ITGB4: variants seen among roughly 807,000 people sequenced by gnomAD.
The protein encoded by ITGB4 is integrin beta-4.
In ITGB4, 159 loss-of-function variants were observed where a neutral mutation model predicts 207.6. The observed-to-expected ratio is 0.77, with a 90% CI of 0.67 to 0.87. The LOEUF (loss-of-function observed/expected upper bound fraction) is 0.87. Among genes scored for constraint, ITGB4 ranks in the 40% least tolerant of loss-of-function variants. ITGB4 has a pLI of 0.00. For missense variants in ITGB4, 2,278 were observed against 2,546.8 expected, an observed-to-expected ratio of 0.89 and a Z score of 2.27; for synonymous variants, 1,020 against 1,062.7, an observed-to-expected ratio of 0.96 and a Z score of 0.78.
Position 75,757,692 on chromosome 17 carries a change from C to T in ITGB4, c.*137C>T, listed in dbSNP as rs1211574318. ...TGCACAGAGCAGGGGCTAGGTGTCT[C>T]CTGGGAGGCATGAAGGGGGCAAGGT... is the stretch of plus-strand genomic sequence containing the variant. On this transcript the variant is annotated 3_prime_UTR_variant, in exon 40 of 40. Transcript: ENST00000200181. 8.0e-7 allele frequency: 1 copy of T among 1,246,216 alleles called. No individual in the cohort carries two copies. Among genetic ancestry groups the T allele is most frequent in the South Asian group, 1.2e-5 (1 of 81,172 alleles). 77.2% of individuals were successfully genotyped at this position (1,246,216 alleles called of 1,614,324 possible). A position where few individuals can be genotyped will look rare whatever the true frequency, so the allele number is the denominator to read the frequency against.
In ITGB4 at chr17:75,727,361, G is replaced by C. The variant is rs776264602; in HGVS notation, c.163-43G>C. ...ATGAATCTAGGGTTGGGGCAGCCAG[G>C]GAATGGGTGCTGCCCCCAGTGACCC... On this transcript the variant is annotated intron_variant, in intron 3 of 39. Transcript: ENST00000200181. This position sits in a 1 kb window ranked among gnomAD's most constrained non-coding sequence, Gnocchi z 6.0. The C allele has an allele frequency of 3.7e-6, 6 of 1,610,254 alleles. No individual in the cohort carries two copies. Among genetic ancestry groups the C allele is most frequent in the Admixed American group, 1.7e-5 (1 of 59,964 alleles).
In ITGB4 at chr17:75,748,197, CAAAAAA is replaced by C. The variant is rs57537115; in HGVS notation, c.3112-629_3112-624del. 8.9e-5 allele frequency among the ~76,000 whole-genome samples: 7 copies of C among 78,648 alleles called. No individual in the cohort carries two copies. In the East Asian group the frequency reaches 1.4e-3, roughly 15 times the overall value. The allele number at this position is 78,648 out of a possible 152,430, so 51.6% of individuals were successfully genotyped here. ...GCAACATAGGGTAACCGTGCCTCTACAAAAAAAAAAAAAAAAAAAATAGCCAGGTGT... is the reference window on the plus strand; with the variant it reads ...GCAACATAGGGTAACCGTGCCTCTACAAAAAAAAAAAAAATAGCCAGGTGT... On this transcript the variant is annotated intron_variant, in intron 26 of 39. Coordinates refer to ENST00000200181, the MANE Select transcript of ITGB4 (RefSeq NM_000213.5).
chr17:75,730,972 C>T lies in ITGB4; in HGVS notation c.1092+8C>T, dbSNP rs1290999941. 1.2e-6 allele frequency: 2 copies of T among 1,611,224 alleles called. No homozygotes were observed. Among genetic ancestry groups the T allele is most frequent in the South Asian group, 1.1e-5 (1 of 91,024 alleles). ...CTGGAGGAGGCCTTCAATGTGAGGG[C>T]AGCTCAGGCTCCAGAGTCTGAGCCC... On this transcript the variant is annotated splice_region_variant and intron_variant, in intron 9 of 39. Coordinates refer to ENST00000200181, the MANE Select transcript of ITGB4 (RefSeq NM_000213.5).
At position 75,754,721 on chromosome 17, in the gene ITGB4, C is replaced by T. The variant is rs1243114171; in HGVS notation, c.4464C>T (p.Leu1488=). Residue 1488 remains leucine (L), a synonymous_variant, in exon 34 of 40, where the codon CTC becomes CTT. Coordinates refer to ENST00000200181, the MANE Select transcript of ITGB4 (RefSeq NM_000213.5). ...PHRVLSTSST[L]TRDYNSLTRS... The stretch of plus-strand genomic sequence containing the variant: ...GCGTGCTAAGCACATCCTCCACCCT[C>T]ACACGGGACTACAACTCACTGACCC... 2 of 1,614,160 alleles carry T rather than the reference C, an allele frequency of 1.2e-6. No individual in the cohort carries two copies. The highest frequency in any genetic ancestry group is 1.7e-5 in the Admixed American group (1 of 60,030).
In ITGB4 at chr17:75,746,414, G is replaced by GTA. The variant is rs1436585589; in HGVS notation, c.3112-2426_3112-2425dup. ...CACCCAGCTAAATTTTGTATTTTTA[G>GTA]TAGAGACGGGGTTTCACCATGTTGG... is the stretch of plus-strand genomic sequence containing the variant. On this transcript the variant is annotated intron_variant, in intron 26 of 39. Transcript: ENST00000200181. 3.3e-5 allele frequency: 5 copies of GTA among 152,174 alleles called. No homozygotes were observed. In the East Asian group the frequency reaches 9.7e-4, roughly 30 times the overall value. The allele number at this position is 152,174 out of a possible 1,614,324, so 9.4% of individuals were successfully genotyped here.
Position 75,729,876 on chromosome 17 carries a change from G to A in ITGB4, c.739-365G>A, listed in dbSNP as rs1335521755. ...ACAAAGAGCTAGCCAAGGCGTGGTG[G>A]CTCACACCTGTAATCCCAGCACTTT... On this transcript the variant is annotated intron_variant, in intron 7 of 39. Coordinates refer to ENST00000200181, the MANE Select transcript of ITGB4 (RefSeq NM_000213.5). The surrounding 1 kb of genome is among the most constrained non-coding windows in gnomAD (Gnocchi z 4.4). 1.3e-5 allele frequency among the ~76,000 whole-genome samples: 2 copies of A among 152,362 alleles called. No individual in the cohort carries two copies. The highest frequency in any genetic ancestry group is 3.9e-4 in the East Asian group (2 of 5,190).
In ITGB4 at chr17:75,727,606, T is replaced by TCGGAAAAAAC. The variant is rs1190474300; in HGVS notation, c.265-44_265-43insGGAAAAAACC. 83 of 1,581,244 alleles carry TCGGAAAAAAC rather than the reference T, an allele frequency of 5.2e-5. No homozygotes were observed. Among genetic ancestry groups the TCGGAAAAAAC allele is most frequent in the Non-Finnish European group, 6.9e-5 (80 of 1,163,714 alleles). On this transcript the variant is annotated intron_variant, in intron 4 of 39. Coordinates refer to ENST00000200181, the MANE Select transcript of ITGB4 (RefSeq NM_000213.5). The surrounding 1 kb of genome is among the most constrained non-coding windows in gnomAD (Gnocchi z 6.0). ...GGCCGGGCTGGGCCCCCATCGGGCC[T>TCGGAAAAAAC]CCGGAGTGACCCTCTAGCCAGCTGT...
Position 75,740,679 on chromosome 17 carries a change from G to A in ITGB4, c.2551-114G>A. The A allele has an allele frequency of 7.8e-7, 1 of 1,277,922 alleles. No homozygotes were observed. The highest frequency in any genetic ancestry group is 1.7e-5 in the Admixed American group (1 of 57,900). 79.2% of individuals were successfully genotyped at this position (1,277,922 alleles called of 1,614,324 possible). On this transcript the variant is annotated intron_variant, in intron 21 of 39. Coordinates refer to ENST00000200181, the MANE Select transcript of ITGB4 (RefSeq NM_000213.5). This position sits in a 1 kb window ranked among gnomAD's most constrained non-coding sequence, Gnocchi z 5.9. ...ATGCTGCCCCACGGGGCATGCCCCA[G>A]CCAACCCTGAGGATCTCTGGGTACA...
In ITGB4 at chr17:75,731,282, A is replaced by G. The variant is rs1490810044; in HGVS notation, c.1129A>G (p.Ser377Gly). The change falls in exon 10 of 40, where the codon AGC (serine) becomes GGC (glycine). Residue 377 changes from serine (S) to glycine (G), a missense_variant. Ser to Gly is a moderately conservative substitution (Grantham distance 56). Transcript: ENST00000200181. This position sits in a 1 kb window ranked among gnomAD's most constrained non-coding sequence, Gnocchi z 6.8. ...RSNLDIRALDSPRGLRTEVTS... is the reference protein window; with the variant it reads ...RSNLDIRALDGPRGLRTEVTS... ...CAACCTGGACATCCGGGCCCTAGAC[A>G]GCCCCCGAGGCCTTCGGACAGAGGT... The G allele has an allele frequency of 6.2e-7, 1 of 1,613,500 alleles. No individual in the cohort carries two copies. The highest frequency in any genetic ancestry group is 1.7e-5 in the Admixed American group (1 of 60,014).
At position 75,755,777 on chromosome 17, in the gene ITGB4, A is replaced by G. The variant is rs1193884243; in HGVS notation, c.4635A>G (p.Arg1545=). 1.9e-6 allele frequency: 3 copies of G among 1,612,356 alleles called. No individual in the cohort carries two copies. The highest frequency in any genetic ancestry group is 2.7e-5 in the African/African-American group (2 of 74,882). Residue 1545 remains arginine, a synonymous_variant, in exon 35 of 40, where the codon AGA becomes AGG. Coordinates refer to ENST00000200181, the MANE Select transcript of ITGB4 (RefSeq NM_000213.5). ...CTGCCCTGGGGCCCACATCTCTCAG[A>G]GTGAGCTGGCAGGAGCCGCGGTGCG... The part of the protein sequence containing the change: ...VFSALGPTSL[R]VSWQEPRCER...
At chr17:75,726,316 C>T (rs2060715599) in intron 2 of ITGB4, among the ~76,000 whole-genome samples, 1 of 152,120 alleles carries the variant, frequency 6.6e-6, no homozygotes, top group South Asian at 2.1e-4. Context: ...AGCTGGGCTA[C>T]TTGGGAGGCT....
At position 75,739,592 on chromosome 17, in the gene ITGB4, A is replaced by G. The variant is rs2061058612; in HGVS notation, c.2221-80A>G. 5 of 1,517,890 alleles carry G rather than the reference A, an allele frequency of 3.3e-6. No individual in the cohort carries two copies. The Admixed American group carries it at 8.4e-5, about 25-fold the overall frequency. 94.0% of individuals were successfully genotyped at this position (1,517,890 alleles called of 1,614,324 possible). On this transcript the variant is annotated intron_variant, in intron 18 of 39. Coordinates refer to ENST00000200181, the MANE Select transcript of ITGB4 (RefSeq NM_000213.5). This position sits in a 1 kb window ranked among gnomAD's most constrained non-coding sequence, Gnocchi z 5.4. ...ACTGTCACCCCTCTTGACCATTGGC[A>G]TGGGGCGGGGTGGCTGGAAGGGCTT... is the stretch of plus-strand genomic sequence containing the variant.
At position 75,752,290 on chromosome 17, in the gene ITGB4, G is replaced by T; in HGVS notation, c.3910G>T (p.Ala1304Ser). 3 of 1,613,340 alleles carry T rather than the reference G, an allele frequency of 1.9e-6. No individual in the cohort carries two copies. The Admixed American group carries it at 5.0e-5, about 27-fold the overall frequency. The change falls in exon 31 of 40, where the codon GCC becomes TCC. Residue 1304 changes from alanine to serine, a missense_variant. Ala to Ser is a moderately conservative substitution (Grantham distance 99, BLOSUM62 1). Coordinates refer to ENST00000200181, the MANE Select transcript of ITGB4 (RefSeq NM_000213.5). ...YRYTVKARNG[A>S]GWGPEREAII... ...CTACACGGTGAAGGCGCGCAACGGG[G>T]CCGGCTGGGGGCCTGAGCGGGAGGC...
Position 75,750,384 on chromosome 17 carries a change from C to G in ITGB4, c.3474+116C>G. 9.1e-7 allele frequency: 1 copy of G among 1,096,828 alleles called. No individual in the cohort carries two copies. Among genetic ancestry groups the G allele is most frequent in the Admixed American group, 2.6e-5 (1 of 38,482 alleles). The allele number at this position is 1,096,828 out of a possible 1,614,324, so 67.9% of individuals were successfully genotyped here. A position where few individuals can be genotyped will look rare whatever the true frequency, so the allele number is the denominator to read the frequency against. On this transcript the variant is annotated intron_variant, in intron 28 of 39. Coordinates refer to ENST00000200181, the MANE Select transcript of ITGB4 (RefSeq NM_000213.5). This position sits in a 1 kb window ranked among gnomAD's most constrained non-coding sequence, Gnocchi z 5.5. Reference sequence around the variant, plus strand: ...CCTGAGAGAGAGCAGACAGTGGAACCTAGCACAGGTGGTCAGAGGGAAACC... The same window carrying G: ...CCTGAGAGAGAGCAGACAGTGGAACGTAGCACAGGTGGTCAGAGGGAAACC...
In ITGB4 at chr17:75,734,207, G is replaced by T. The variant is rs150861891; in HGVS notation, c.1657+515G>T. Among the ~76,000 whole-genome samples, 368 of 137,794 alleles carry T rather than the reference G, an allele frequency of 2.7e-3. 2 individuals are homozygous for T. Among genetic ancestry groups the T allele is most frequent in the African/African-American group, 0.011 (361 of 34,368 alleles). 90.4% of individuals were successfully genotyped at this position (137,794 alleles called of 152,430 possible). On this transcript the variant is annotated intron_variant, in intron 13 of 39. Transcript: ENST00000200181. ...GCTGGAGTGCAATAGCACAATCTTG[G>T]CTCACTGCAACCTCTGCCTCCTGGG...
Position 75,750,157 on chromosome 17 carries a change from AC to A in ITGB4, c.3368del (p.Pro1123LeufsTer37), listed in dbSNP as rs1441262033. 8 of 1,613,472 alleles carry A rather than the reference AC, an allele frequency of 5.0e-6. No individual in the cohort carries two copies. The highest frequency in any genetic ancestry group is 6.8e-6 in the Non-Finnish European group (8 of 1,179,978). ...CGAGTCAGATGTTGTCATCACAGCC[AC>A]CCCCTCACGGCGACCTGGGCGCCCC... Reference protein sequence around the residue: ...FTSQMLSSQPPPHGDLGAPQN... With the variant: ...FTSQMLSSQPXPHGDLGAPQN... On this transcript the variant is annotated frameshift_variant, in exon 28 of 40. Coordinates refer to ENST00000200181, the MANE Select transcript of ITGB4 (RefSeq NM_000213.5). LOFTEE classifies it high-confidence loss of function. The surrounding 1 kb of genome is among the most constrained non-coding windows in gnomAD (Gnocchi z 5.5).
rs778928584 is a variant in ITGB4 at position 75,755,782 on chromosome 17, G to T, written c.4640G>T (p.Ser1547Ile). The change falls in exon 35 of 40, where the codon AGC (serine) becomes ATC (isoleucine). Residue 1547 changes from serine to isoleucine, a missense_variant. Coordinates refer to ENST00000200181, the MANE Select transcript of ITGB4 (RefSeq NM_000213.5). ...SALGPTSLRV[S>I]WQEPRCERPL... is the part of the protein sequence containing the mutation. Reference sequence around the variant, plus strand: ...CTGGGGCCCACATCTCTCAGAGTGAGCTGGCAGGAGCCGCGGTGCGAGCGG... The same window carrying T: ...CTGGGGCCCACATCTCTCAGAGTGATCTGGCAGGAGCCGCGGTGCGAGCGG... The T allele has an allele frequency of 6.2e-7, 1 of 1,612,236 alleles. No homozygotes were observed. The highest frequency in any genetic ancestry group is 1.7e-5 in the Admixed American group (1 of 60,012).
In ITGB4 at chr17:75,737,464, CG is replaced by C; in HGVS notation, c.2113+21del. 1 of 1,552,908 alleles carries C rather than the reference CG, an allele frequency of 6.4e-7. No homozygotes were observed. The highest frequency in any genetic ancestry group is 8.7e-7 in the Non-Finnish European group (1 of 1,147,944). ...AGAAGGGTGAGCTGGTGGGGCCGGG[CG>C]CAGGGAGGGGGCGTGTGGCCAGAGC... On this transcript the variant is annotated intron_variant, in intron 17 of 39. Coordinates refer to ENST00000200181, the MANE Select transcript of ITGB4 (RefSeq NM_000213.5).
intron 6 of ITGB4, among the ~76,000 whole-genome samples, chr17:75,728,788 T>C (rs2148468699): frequency 1.3e-5 from 2 of 152,022 alleles, no homozygotes; most frequent in South Asian, 2.1e-4. Flanking sequence ...ATCGAGACCA[T>C]CCTGGCTAAC....
Sources: gnomAD v4.1 joint callset for allele counts (sites outside exome capture counted in the v4.1 genomes callset) on GRCh38, gnomAD v4.1.1 for gene constraint, Gnocchi (gnomAD v3.1) non-coding constraint, MANE v1.5 for transcripts, NCBI Gene and HGNC (gene_info 2026-07-23, HGNC 2026-07-21) for gene names.